ZCWPW2: variants seen among roughly 807,000 people sequenced by gnomAD.
The protein encoded by ZCWPW2 is zinc finger CW-type PWWP domain protein 2.
A neutral mutation model predicts 46.6 loss-of-function variants in ZCWPW2; 45 were observed. The ratio of observed to expected loss-of-function variants is 0.96; its 90% CI spans 0.76 to 1.24. The LOEUF is 1.24. Ranked by LOEUF, ZCWPW2 falls within the 50% of genes most tolerant of loss-of-function variation. The probability of loss-of-function intolerance (pLI) is 0.00; values close to 1 mark genes in which losing one functional copy is unlikely to be tolerated. For synonymous variants in ZCWPW2, 152 were observed against 137.1 expected, an observed-to-expected ratio of 1.11 and a Z score of -0.76; for missense variants, 429 against 403.9, an observed-to-expected ratio of 1.06 and a Z score of -0.53.
At chr3:28,471,246 C>T (rs1220147819) in intron 4 of ZCWPW2, among the ~76,000 whole-genome samples, 1 of 152,124 alleles carries the variant, frequency 6.6e-6, no homozygotes, top group African/African-American at 2.4e-5. Flanking sequence ...TACTTTCAAA[C>T]TCATTCTATG....
At chr3:28,399,923 A>G (rs573887491) in intron 2 of ZCWPW2, among the ~76,000 whole-genome samples, 47 of 152,278 alleles carry the variant, frequency 3.1e-4, no homozygotes, top group Non-Finnish European at 5.0e-4. Context: ...GATCCAAACC[A>G]AGAAGAAATC....
intron 4 of ZCWPW2, among the ~76,000 whole-genome samples, chr3:28,439,477 A>G (rs911727561): frequency 3.3e-5 from 5 of 152,068 alleles, no homozygotes; most frequent in Admixed American, 1.3e-4. Flanking sequence ...TCCTTTGGCA[A>G]CACCCTCACA....
At chr3:28,468,299 C>T (rs959668573) in intron 4 of ZCWPW2, among the ~76,000 whole-genome samples, 2 of 151,710 alleles carry the variant, frequency 1.3e-5, no homozygotes, top group African/African-American at 4.8e-5. Flanking sequence ...AAGAACGAAG[C>T]ACACCTACGA....
At chr3:28,447,147 A>G (rs896639205) in intron 4 of ZCWPW2, among the ~76,000 whole-genome samples, 1 of 152,118 alleles carries the variant, frequency 6.6e-6, no homozygotes, top group African/African-American at 2.4e-5. Context: ...ACACTTCCTA[A>G]CTCATTCTAT....
At chr3:28,404,495 G>A (rs1696079176) in intron 2 of ZCWPW2, among the ~76,000 whole-genome samples, 1 of 152,054 alleles carries the variant, frequency 6.6e-6, no homozygotes, top group Non-Finnish European at 1.5e-5. Flanking sequence ...AAGTAGAACT[G>A]CCATTTGATC....
intron 1 of ZCWPW2, among the ~76,000 whole-genome samples, chr3:28,362,618 G>C (rs976358358): frequency 2.8e-4 from 43 of 152,292 alleles, no homozygotes; most frequent in African/African-American, 1.0e-3. Flanking sequence ...CTTATATACT[G>C]CTGGTGGGAG....
At chr3:28,509,469 T>G (rs556161028) in intron 6 of ZCWPW2, among the ~76,000 whole-genome samples, 1 of 152,320 alleles carries the variant, frequency 6.6e-6, no homozygotes, top group East Asian at 1.9e-4. Context: ...TTTCCATTTC[T>G]TCACATCCCT....
chr3:28,468,245 A>G (rs1290637234), intron 4 of ZCWPW2, among the ~76,000 whole-genome samples: 1 of 152,100 alleles, frequency 6.6e-6, no homozygotes, highest in Admixed American at 6.6e-5. Context: ...GAGCTTGAAG[A>G]CAGGCTATTT....
At position 28,516,850 on chromosome 3, in the gene ZCWPW2, T is replaced by TA. The variant is rs58592559; in HGVS notation, c.784+1242dup. ...AGTGAGACCTCATCTCTACTAAAAT[T>TA]AAAAAAAAAAAAATAACTGGGCATG... On this transcript the variant is annotated intron_variant, in intron 8 of 9. Transcript: ENST00000383768. 5.0e-3 allele frequency among the ~76,000 whole-genome samples: 697 copies of TA among 138,694 alleles called. 6 individuals carry two copies. The highest frequency in any genetic ancestry group is 0.016 in the African/African-American group (608 of 37,916). The allele number at this position is 138,694 out of a possible 152,430, so 91.0% of individuals were successfully genotyped here. A position where few individuals can be genotyped will look rare whatever the true frequency, so the allele number is the denominator to read the frequency against.
At chr3:28,437,247 A>G (rs1426910431) in intron 4 of ZCWPW2, among the ~76,000 whole-genome samples, 2 of 152,224 alleles carry the variant, frequency 1.3e-5, no homozygotes, top group African/African-American at 4.8e-5. Context: ...ATAGTCATGT[A>G]TAATTTTCAC....
chr3:28,381,650 G>A (rs1231923943), intron 1 of ZCWPW2, among the ~76,000 whole-genome samples: 1 of 152,108 alleles, frequency 6.6e-6, no homozygotes, highest in Non-Finnish European at 1.5e-5. Flanking sequence ...AGATGAGCAT[G>A]GTGGCACACG....
chr3:28,426,284 G>A (rs780190647), intron 3 of ZCWPW2, among the ~76,000 whole-genome samples: 19 of 151,576 alleles, frequency 1.3e-4, no homozygotes, highest in Non-Finnish European at 2.4e-4. Flanking sequence ...TATTTGGCTA[G>A]GAAGAGTCTG....
rs186648587 is a variant in ZCWPW2, at chr3:28,459,141, C to T, written c.493-19673C>T. ...ATCCCAGCACTTTGGGAGGCCATGG[C>T]GGGTGGATCATGAGGTCAGGAGATT... On this transcript the variant is annotated intron_variant, in intron 4 of 9. Coordinates refer to ENST00000383768, the MANE Select transcript of ZCWPW2 (RefSeq NM_001040432.4). Among the ~76,000 whole-genome samples, 255 of 152,128 alleles carry T rather than the reference C, an allele frequency of 1.7e-3. 3 individuals are homozygous for T. The highest frequency in any genetic ancestry group is 3.4e-3 in the Middle Eastern group (1 of 294).
At chr3:28,364,049 GTCATCTGT>G in intron 1 of ZCWPW2, among the ~76,000 whole-genome samples, 1 of 152,210 alleles carries the variant, frequency 6.6e-6, no homozygotes, top group African/African-American at 2.4e-5. Context: ...TATTCAGTTA[GTCATCTGT>G]TAAATGTAAG....
intron 6 of ZCWPW2, among the ~76,000 whole-genome samples, chr3:28,498,986 T>A (rs1700073424): frequency 6.6e-6 from 1 of 152,154 alleles, no homozygotes; most frequent in Admixed American, 6.6e-5. Context: ...CTCATCCTTT[T>A]TTATGGCTGC....
intron 4 of ZCWPW2, among the ~76,000 whole-genome samples, chr3:28,477,391 C>T (rs1217002085): frequency 6.6e-6 from 1 of 152,132 alleles, no homozygotes; most frequent in Non-Finnish European, 1.5e-5. Flanking sequence ...AATTTATCAG[C>T]CTCTTTCTGA....
intron 1 of ZCWPW2, among the ~76,000 whole-genome samples, chr3:28,379,870 G>T (rs1705619910): frequency 6.6e-6 from 1 of 152,090 alleles, no homozygotes; most frequent in Admixed American, 6.5e-5. Flanking sequence ...TTCTGTTTTG[G>T]GGGTCAAAGG....
At chr3:28,395,472 G>A (rs1334881259) in intron 2 of ZCWPW2, among the ~76,000 whole-genome samples, 1 of 152,156 alleles carries the variant, frequency 6.6e-6, no homozygotes, top group African/African-American at 2.4e-5. Flanking sequence ...GTTAACTGCG[G>A]TGGCATTCAC....
chr3:28,494,784 A>G (rs1478662939), intron 6 of ZCWPW2, among the ~76,000 whole-genome samples: 15 of 139,976 alleles, frequency 1.1e-4, no homozygotes, highest in Non-Finnish European at 2.2e-4. Flanking sequence ...TACACCAACA[A>G]CAGACAAACA....
Sources: gnomAD v4.1 joint callset for allele counts (sites outside exome capture counted in the v4.1 genomes callset) on GRCh38, gnomAD v4.1.1 for gene constraint, MANE v1.5 for transcripts, NCBI Gene and HGNC (gene_info 2026-07-23, HGNC 2026-07-21) for gene names.